The following MAP3K5 variants were observed in gnomAD, a reference collection of about 807,000 sequenced individuals.
MAP3K5 encodes ASK-1.
Under a neutral mutation model 158.7 loss-of-function variants are expected in MAP3K5, and 56 were observed. That is an observed-to-expected ratio of 0.35 (90% CI 0.28 to 0.44). MAP3K5 has a LOEUF of 0.44. MAP3K5 is among the 20% of genes least tolerant of loss of function. The pLI, the probability that MAP3K5 is intolerant of heterozygous loss-of-function variation, is 1.00. For missense variants in MAP3K5, 1,294 were observed against 1,674.8 expected, an observed-to-expected ratio of 0.77 and a Z score of 3.97; for synonymous variants, 579 against 601.7, an observed-to-expected ratio of 0.96 and a Z score of 0.55.
intron 2 of MAP3K5, among the ~76,000 whole-genome samples, chr6:136,712,209 T>C (rs1781339287): frequency 6.7e-6 from 1 of 149,062 alleles, no homozygotes; most frequent in Admixed American, 6.8e-5. Context: ...GGTCTCACTC[T>C]GTCACTCTAT....
intron 24 of MAP3K5, among the ~76,000 whole-genome samples, chr6:136,582,903 G>A (rs1444607378): frequency 6.6e-6 from 1 of 152,124 alleles, no homozygotes; most frequent in Non-Finnish European, 1.5e-5. Flanking sequence ...AACACAGAGG[G>A]TTCTGAATGC....
At chr6:136,774,967 G>A (rs1784350347) in intron 1 of MAP3K5, among the ~76,000 whole-genome samples, 1 of 152,190 alleles carries the variant, frequency 6.6e-6, no homozygotes, top group Non-Finnish European at 1.5e-5. Context: ...CACGTATGAT[G>A]CAAGACCTAT....
intron 23 of MAP3K5, among the ~76,000 whole-genome samples, chr6:136,589,558 C>T (rs1775291739): frequency 6.6e-6 from 1 of 152,106 alleles, no homozygotes; most frequent in African/African-American, 2.4e-5. Flanking sequence ...CTGTGTCCTC[C>T]AAATTCGTAT....
intron 1 of MAP3K5, among the ~76,000 whole-genome samples, chr6:136,781,149 C>G (rs950319633): frequency 6.6e-6 from 1 of 152,200 alleles, no homozygotes; most frequent in Admixed American, 6.5e-5. Context: ...GCTGTAAACC[C>G]AGCTCTCTGG....
intron 1 of MAP3K5, among the ~76,000 whole-genome samples, chr6:136,771,159 G>A (rs1215253305): frequency 1.3e-5 from 2 of 152,052 alleles, no homozygotes; most frequent in African/African-American, 4.8e-5. Context: ...TATGAATTAG[G>A]GAGTCATCCG....
intron 1 of MAP3K5, among the ~76,000 whole-genome samples, chr6:136,747,826 G>A (rs192425191): frequency 1.1e-4 from 17 of 152,268 alleles, no homozygotes; most frequent in Non-Finnish European, 1.5e-5. Context: ...CAAGGGTGTA[G>A]ACTATTGTCA....
At chr6:136,718,696 G>A (rs1169455855) in intron 2 of MAP3K5, among the ~76,000 whole-genome samples, 1 of 152,114 alleles carries the variant, frequency 6.6e-6, no homozygotes, top group Non-Finnish European at 1.5e-5. Context: ...TATTTGTCCC[G>A]GACATATGTG....
intron 7 of MAP3K5, among the ~76,000 whole-genome samples, chr6:136,677,298 C>G (rs535397582): frequency 1.3e-5 from 2 of 151,754 alleles, no homozygotes; most frequent in Non-Finnish European, 2.9e-5. Context: ...CCACCACGCC[C>G]GGCTAATTTT....
chr6:136,558,304 G>A (rs1173595384), intron 29 of MAP3K5, among the ~76,000 whole-genome samples: 2 of 151,978 alleles, frequency 1.3e-5, no homozygotes, highest in African/African-American at 4.8e-5. Flanking sequence ...GCGTGAACCT[G>A]GGAGGCGGAG....
Position 136,557,790 on chromosome 6 carries a change from C to T in MAP3K5, c.4093G>A (p.Ala1365Thr). The T allele has an allele frequency of 6.2e-7, 1 of 1,612,598 alleles. No homozygotes were observed. Among genetic ancestry groups the T allele is most frequent in the Non-Finnish European group, 8.5e-7 (1 of 1,178,700 alleles). The change falls in exon 30 of 30, where the codon GCT becomes ACT. Residue 1365 changes from alanine to threonine, a missense_variant. Physicochemically the swap from Ala to Thr is moderately conservative, Grantham distance 58. This residue lies in a region of MAP3K5 where 199 missense variants were observed against 220.3 expected (regional missense o/e 0.90). Transcript: ENST00000359015. ...RGGMLCTLWK[A>T]IIDFRNKQT ...TGTTTGTTTCGAAAGTCAATGATAG[C>T]CTTCCACAGTGTGCACAGCATCCCT...
intron 25 of MAP3K5, among the ~76,000 whole-genome samples, chr6:136,573,465 A>G (rs1774461116): frequency 6.6e-6 from 1 of 152,218 alleles, no homozygotes; most frequent in Non-Finnish European, 1.5e-5. Context: ...CTTCTCTTAT[A>G]TATCTCTATG....
At chr6:136,786,954 T>C (rs1784876151) in intron 1 of MAP3K5, among the ~76,000 whole-genome samples, 1 of 152,084 alleles carries the variant, frequency 6.6e-6, no homozygotes, top group Admixed American at 6.6e-5. Context: ...AAGTTCTTAC[T>C]CACTCCGTTA....
chr6:136,792,432 G>T lies in MAP3K5; in HGVS notation c.-275C>A. 1.0e-6 allele frequency: 1 copy of T among 953,220 alleles called. No individual in the cohort carries two copies. Among genetic ancestry groups the T allele is most frequent in the Non-Finnish European group, 1.2e-6 (1 of 800,646 alleles). The allele number at this position is 953,220 out of a possible 1,614,324, so 59.0% of individuals were successfully genotyped here. ...AAGGGGTGGGGAAGCCGGGTGAGCG[G>T]GAAGGGACGGAGCTTCCTTTTCTTG... is the stretch of plus-strand genomic sequence containing the variant. On this transcript the variant is annotated 5_prime_UTR_variant, in exon 1 of 30. Coordinates refer to ENST00000359015, the MANE Select transcript of MAP3K5 (RefSeq NM_005923.4). The surrounding 1 kb of genome is among the most constrained non-coding windows in gnomAD (Gnocchi z 5.7).
intron 3 of MAP3K5, among the ~76,000 whole-genome samples, chr6:136,702,844 C>T (rs957133982): frequency 2.6e-4 from 39 of 151,776 alleles, no homozygotes; most frequent in East Asian, 7.7e-4. Flanking sequence ...TACAGGCATG[C>T]GCCACCACAC....
intron 1 of MAP3K5, among the ~76,000 whole-genome samples, chr6:136,768,078 C>G (rs1784035483): frequency 1.3e-5 from 2 of 152,172 alleles, no homozygotes; most frequent in Admixed American, 1.3e-4. Flanking sequence ...AATGACCTAA[C>G]TGTAAGAGCA....
chr6:136,658,400 C>T (rs566326889), intron 9 of MAP3K5, among the ~76,000 whole-genome samples: 67 of 149,470 alleles, frequency 4.5e-4, no homozygotes, highest in African/African-American at 1.5e-3. Flanking sequence ...CTGCAACCTC[C>T]GCCTCCTGGG....
intron 1 of MAP3K5, among the ~76,000 whole-genome samples, chr6:136,739,701 G>C (rs1782630777): frequency 6.6e-6 from 1 of 152,342 alleles, no homozygotes; most frequent in African/African-American, 2.4e-5. Context: ...TGGGGGGTCT[G>C]AAGGGGGCAG....
chr6:136,699,429 A>C (rs576703561), intron 3 of MAP3K5, among the ~76,000 whole-genome samples: 3 of 152,290 alleles, frequency 2.0e-5, no homozygotes, highest in African/African-American at 7.2e-5. Context: ...ACTGTCCCTC[A>C]GATCACTTCC....
chr6:136,685,856 G>A (rs1461252448), intron 7 of MAP3K5, among the ~76,000 whole-genome samples: 2 of 152,154 alleles, frequency 1.3e-5, no homozygotes, highest in African/African-American at 2.4e-5. Flanking sequence ...GGGTATATCT[G>A]GCCAGATGCC....
Sources: allele counts gnomAD v4.1 joint callset (sites outside exome capture counted in the v4.1 genomes callset), GRCh38; gene constraint gnomAD v4.1.1; regional missense constraint gnomAD v4.1.1; non-coding constraint Gnocchi (gnomAD v3.1); transcripts MANE v1.5; gene names NCBI Gene and HGNC (gene_info 2026-07-23, HGNC 2026-07-21).